The following IFT52 variants were observed in gnomAD, a reference collection of about 807,000 sequenced individuals.
The protein encoded by IFT52 is intraflagellar transport 52.
A neutral mutation model predicts 54.4 loss-of-function variants in IFT52; 44 were observed. The observed-to-expected ratio is 0.81, with a 90% confidence interval of 0.63 to 1.04. The LOEUF is 1.04. Among genes scored for constraint, IFT52 ranks in the 50% least tolerant of loss-of-function variants. The pLI is 0.00. For synonymous variants in IFT52, 181 were observed against 185.3 expected, an observed-to-expected ratio of 0.98 and a Z score of 0.19; for missense variants, 452 against 523.6, an observed-to-expected ratio of 0.86 and a Z score of 1.33.
intron 12 of IFT52, among the ~76,000 whole-genome samples, chr20:43,637,455 G>T (rs1365148775): frequency 6.6e-6 from 1 of 152,118 alleles, no homozygotes; most frequent in Non-Finnish European, 1.5e-5. Context: ...TAGAGACGGG[G>T]TTTCATCATA....
At chr20:43,635,816 A>G in intron 10 of IFT52, 110 bp from the exon 11 acceptor site, 1 of 907,724 alleles carries the variant, frequency 1.1e-6, no homozygotes, top group South Asian at 1.5e-5. Context: ...GGTATTTCTA[A>G]AAATAGTACT....
intron 3 of IFT52, among the ~76,000 whole-genome samples, chr20:43,598,660 A>G (rs1601023055): frequency 6.6e-6 from 1 of 152,294 alleles, no homozygotes; most frequent in Middle Eastern, 3.4e-3. Context: ...GCGCCACCGC[A>G]CTCCAGCCTG....
intron 6 of IFT52, among the ~76,000 whole-genome samples, chr20:43,612,562 T>C (rs1983540295): frequency 6.6e-6 from 1 of 151,900 alleles, no homozygotes; most frequent in South Asian, 2.1e-4. Flanking sequence ...TGTGGTGGCA[T>C]GCACCTGTGG....
chr20:43,609,072 C>CAA (rs1207411743), intron 6 of IFT52, among the ~76,000 whole-genome samples: 152 of 120,720 alleles, frequency 1.3e-3, no homozygotes, highest in Non-Finnish European at 1.7e-3. Flanking sequence ...CCTGTCTCTA[C>CAA]AAAAAAAAAA....
chr20:43,611,185 T>C (rs1198820840), intron 6 of IFT52, among the ~76,000 whole-genome samples: 2 of 152,130 alleles, frequency 1.3e-5, no homozygotes, highest in African/African-American at 4.8e-5. Context: ...GAGTCTCAGA[T>C]TCTCCTTTAT....
intron 8 of IFT52, among the ~76,000 whole-genome samples, chr20:43,620,586 G>A (rs1429401278): frequency 6.6e-6 from 1 of 152,164 alleles, no homozygotes; most frequent in Non-Finnish European, 1.5e-5. Context: ...AACCCAGGAG[G>A]TGGAGGTTGC....
rs1984835707 is a variant in IFT52 at position 43,627,764 on chromosome 20, T to C, written c.923+3719T>C. Among the ~76,000 whole-genome samples the C allele has an allele frequency of 2.0e-5, 3 of 151,934 alleles. No individual in the cohort carries two copies. The South Asian group carries it at 6.2e-4, about 32-fold the overall frequency. On this transcript the variant is annotated intron_variant, in intron 10 of 13. Transcript: ENST00000373030. ...TTTTTCTTTTTTTTTGAAGACAGGT[T>C]TCACTCTTGCCCAGGCTGGTCTGGA... is the stretch of plus-strand genomic sequence containing the variant.
At chr20:43,621,011 G>A (rs1402668097) in intron 9 of IFT52, 86 bp downstream of exon 9, 6 of 950,868 alleles carry the variant, frequency 6.3e-6, no homozygotes, top group Non-Finnish European at 1.0e-5. Flanking sequence ...AGGAATACAT[G>A]ACTGTCTTAA....
At chr20:43,622,496 G>A (rs997507923) in intron 9 of IFT52, among the ~76,000 whole-genome samples, 13 of 151,754 alleles carry the variant, frequency 8.6e-5, no homozygotes, top group South Asian at 2.1e-4. Context: ...CCAGCTACTC[G>A]GGAGGCTGAG....
At chr20:43,625,992 C>T (rs1984685407) in intron 10 of IFT52, among the ~76,000 whole-genome samples, 1 of 144,804 alleles carries the variant, frequency 6.9e-6, no homozygotes, top group Admixed American at 7.1e-5. Flanking sequence ...CCCGCTCCAG[C>T]CTGGTCAACA....
At chr20:43,635,261 C>T (rs912188750) in intron 10 of IFT52, among the ~76,000 whole-genome samples, 3 of 151,532 alleles carry the variant, frequency 2.0e-5, no homozygotes, top group African/African-American at 7.3e-5. Context: ...TGGCCTCTAG[C>T]GCCATCCAAG....
intron 8 of IFT52, among the ~76,000 whole-genome samples, chr20:43,619,705 A>G (rs1984126633): frequency 6.6e-6 from 1 of 152,156 alleles, no homozygotes; most frequent in Admixed American, 6.6e-5. Flanking sequence ...AAAAAATGCC[A>G]AGGGAACATG....
intron 9 of IFT52, among the ~76,000 whole-genome samples, chr20:43,622,352 A>G (rs1469165602): frequency 6.6e-6 from 1 of 152,060 alleles, no homozygotes; most frequent in Non-Finnish European, 1.5e-5. Flanking sequence ...TAATCCCAGC[A>G]CTTTGGGAGG....
chr20:43,613,968 C>G lies in IFT52; in HGVS notation c.604C>G (p.His202Asp). The change falls in exon 7 of 14, where the codon CAC becomes GAC. Residue 202 changes from histidine (H) to aspartate (D), a missense_variant. Transcript: ENST00000373030. ...TAACAGACCCATTTTGGCTTTCTAT[C>G]ACTCAAAGGTACAGCTTTTCTTAGA... is the stretch of plus-strand genomic sequence containing the variant. Reference protein sequence around the residue: ...PLNRPILAFYHSKNQGGKLAV... With the variant: ...PLNRPILAFYDSKNQGGKLAV... 6.2e-7 allele frequency: 1 copy of G among 1,613,520 alleles called. No individual in the cohort carries two copies.
At chr20:43,607,856 C>T (rs1224721954) in intron 6 of IFT52, among the ~76,000 whole-genome samples, 4 of 152,204 alleles carry the variant, frequency 2.6e-5, no homozygotes, top group Admixed American at 6.5e-5. Flanking sequence ...GCCTGGGCAC[C>T]GTTGAGCACT....
chr20:43,642,216 AG>A, intron 12 of IFT52: 1 of 344,790 alleles, frequency 2.9e-6, no homozygotes, highest in Admixed American at 4.4e-5. Flanking sequence ...TTTCTAATGT[AG>A]GAATACTAGA....
chr20:43,637,120 A>G, intron 11 of IFT52, 25 bp from the exon 12 acceptor site: 1 of 1,492,206 alleles, frequency 6.7e-7, no homozygotes, highest in Non-Finnish European at 9.3e-7. Context: ...CCTCATTTCT[A>G]AATAATGACT....
At position 43,590,958 on chromosome 20, in the gene IFT52, G is replaced by A. The variant is rs922695968; in HGVS notation, c.-103G>A. 1.3e-5 allele frequency: 2 copies of A among 152,260 alleles called. No homozygotes were observed. Among genetic ancestry groups the A allele is most frequent in the Admixed American group, 1.3e-4 (2 of 15,290 alleles). 9.4% of individuals were successfully genotyped at this position (152,260 alleles called of 1,614,324 possible). The stretch of plus-strand genomic sequence containing the variant: ...CGCTGCGTCCTGGGCCACGCCTCCC[G>A]GCGCACCGACGCGCCTCTCCGGTTA... On this transcript the variant is annotated 5_prime_UTR_variant, in exon 1 of 14. Transcript: ENST00000373030.
intron 10 of IFT52, among the ~76,000 whole-genome samples, chr20:43,630,593 T>G: frequency 6.6e-6 from 1 of 152,208 alleles, no homozygotes; most frequent in Non-Finnish European, 1.5e-5. Flanking sequence ...GTAATTTCAT[T>G]TGTCCATTGG....
Sources: allele counts gnomAD v4.1 joint callset (sites outside exome capture counted in the v4.1 genomes callset), GRCh38; gene constraint gnomAD v4.1.1; transcripts MANE v1.5; gene names NCBI Gene and HGNC (gene_info 2026-07-23, HGNC 2026-07-21).